The following NUAK1 variants were observed in gnomAD, a reference collection of about 807,000 sequenced individuals.
NUAK1 encodes the protein NUAK family kinase 1.
In NUAK1, 26 loss-of-function variants were observed where a neutral mutation model predicts 56.9. That is an observed-to-expected ratio of 0.46 (90% confidence interval 0.33 to 0.63). NUAK1 has a LOEUF of 0.63. NUAK1 is among the 30% of genes least tolerant of loss of function. NUAK1 has a pLI of 0.02. For synonymous variants in NUAK1, 337 were observed against 336.0 expected, an observed-to-expected ratio of 1.00 and a Z score of -0.03; for missense variants, 727 against 876.1, an observed-to-expected ratio of 0.83 and a Z score of 2.15.
chr12:106,113,755 A>C (rs2032889474), intron 1 of NUAK1, among the ~76,000 whole-genome samples: 1 of 151,324 alleles, frequency 6.6e-6, no homozygotes, highest in East Asian at 1.9e-4. Flanking sequence ...GAGGGGGCTC[A>C]GTGACTTGAA....
At chr12:106,120,340 G>A (rs2032961431) in intron 1 of NUAK1, among the ~76,000 whole-genome samples, 1 of 152,152 alleles carries the variant, frequency 6.6e-6, no homozygotes, top group South Asian at 2.1e-4. Context: ...ATGTGAGACG[G>A]CATAGAGAAA....
rs758901008 is a variant in NUAK1 at position 106,067,421 on chromosome 12, G to C, written c.1367C>G (p.Pro456Arg). ...PEAEVPGKLSPKQSATMPKKG... is the reference protein window; with the variant it reads ...PEAEVPGKLSRKQSATMPKKG... ...CTTGGGCATCGTGGCCGACTGCTTG[G>C]GGCTGAGTTTTCCCGGCACCTCTGC... is the stretch of plus-strand genomic sequence containing the variant. Residue 456 changes from proline to arginine, a missense_variant, in exon 7 of 7, where the codon CCC becomes CGC. By Grantham distance (103) the Pro-to-Arg change is moderately radical. Coordinates refer to ENST00000261402, the MANE Select transcript of NUAK1 (RefSeq NM_014840.3). This position sits in a 1 kb window ranked among gnomAD's most constrained non-coding sequence, Gnocchi z 6.0. The C allele has an allele frequency of 5.0e-6, 8 of 1,614,146 alleles. No individual in the cohort carries two copies. Among genetic ancestry groups the C allele is most frequent in the Non-Finnish European group, 5.9e-6 (7 of 1,180,034 alleles).
chr12:106,108,327 G>A (rs1422639985), intron 1 of NUAK1, among the ~76,000 whole-genome samples: 1 of 152,110 alleles, frequency 6.6e-6, no homozygotes, highest in African/African-American at 2.4e-5. Context: ...GTAAACCCAG[G>A]GGCAGGCTCC....
chr12:106,080,650 G>A (rs2032507636), intron 4 of NUAK1, among the ~76,000 whole-genome samples: 1 of 152,218 alleles, frequency 6.6e-6, no homozygotes, highest in African/African-American at 2.4e-5. Context: ...GGGAAGGGGA[G>A]AGGAATGAGC....
chr12:106,128,985 A>G (rs1371789129), intron 1 of NUAK1, among the ~76,000 whole-genome samples: 3 of 152,230 alleles, frequency 2.0e-5, no homozygotes, highest in African/African-American at 7.2e-5. Context: ...AACCTTGCAG[A>G]TGCATTTTGC....
chr12:106,067,113 C>A lies in NUAK1; in HGVS notation c.1675G>T (p.Glu559Ter), dbSNP rs757047758. Residue 559 changes from glutamate (E) to a stop codon, truncating the protein, a stop_gained, in exon 7 of 7, where the codon GAG becomes TAG. Transcript: ENST00000261402. LOFTEE classifies it high-confidence loss of function. The surrounding 1 kb of genome is among the most constrained non-coding windows in gnomAD (Gnocchi z 6.0). ...ESLSEPGVPA[E>*]GLSRSYSRPS... ...CGGCTGTAGCTCCGGGAGAGGCCCT[C>A]GGCAGGGACACCAGGCTCTGACAGG... 6.2e-7 allele frequency: 1 copy of A among 1,614,202 alleles called. No homozygotes were observed. Among genetic ancestry groups the A allele is most frequent in the Non-Finnish European group, 8.5e-7 (1 of 1,180,026 alleles).
Position 106,138,749 on chromosome 12 carries a change from G to A in NUAK1, c.-96C>T, listed in dbSNP as rs778247547. 323 of 1,406,926 alleles carry A rather than the reference G, an allele frequency of 2.3e-4. No individual in the cohort carries two copies. The highest frequency in any genetic ancestry group is 2.8e-4 in the Non-Finnish European group (305 of 1,083,636). The allele number at this position is 1,406,926 out of a possible 1,614,324, so 87.2% of individuals were successfully genotyped here. On this transcript the variant is annotated 5_prime_UTR_variant, in exon 1 of 7. Transcript: ENST00000261402. The surrounding 1 kb of genome is among the most constrained non-coding windows in gnomAD (Gnocchi z 5.0). Reference sequence around the variant, plus strand: ...CCGAGGGAAGCCGCTGTACGCTCAAGGTCGCCCCCGCAGCATCAGGGAGGC... The same window carrying A: ...CCGAGGGAAGCCGCTGTACGCTCAAAGTCGCCCCCGCAGCATCAGGGAGGC...
chr12:106,102,021 C>T (rs1001993451), intron 2 of NUAK1, among the ~76,000 whole-genome samples: 3 of 152,224 alleles, frequency 2.0e-5, no homozygotes, highest in African/African-American at 7.2e-5. Context: ...GAGCTGCCCT[C>T]CTCCACAGTT....
At chr12:106,082,838 T>C (rs1418371583) in intron 4 of NUAK1, among the ~76,000 whole-genome samples, 1 of 152,118 alleles carries the variant, frequency 6.6e-6, no homozygotes, top group Non-Finnish European at 1.5e-5. Flanking sequence ...GCTCCTCCAC[T>C]GATAGCAGCA....
chr12:106,120,971 C>T (rs562498144), intron 1 of NUAK1, among the ~76,000 whole-genome samples: 56 of 152,278 alleles, frequency 3.7e-4, no homozygotes, highest in African/African-American at 1.3e-3. Flanking sequence ...CAGTGACCTA[C>T]GGGTCTGTTT....
chr12:106,075,669 C>T (rs2032456912), intron 4 of NUAK1, among the ~76,000 whole-genome samples: 1 of 152,192 alleles, frequency 6.6e-6, no homozygotes, highest in African/African-American at 2.4e-5. Context: ...GCCAGGGACT[C>T]TTGACAGTGA....
At chr12:106,104,240 A>G (rs941089289) in intron 2 of NUAK1, 1 of 151,964 alleles carries the variant, frequency 6.6e-6, no homozygotes, top group Non-Finnish European at 1.5e-5. Context: ...TAATTTTTGT[A>G]TTTTTAGGAG....
intron 6 of NUAK1, among the ~76,000 whole-genome samples, chr12:106,069,282 G>A (rs1335015268): frequency 6.6e-6 from 1 of 152,164 alleles, no homozygotes; most frequent in East Asian, 1.9e-4. Flanking sequence ...CACAGCGGAG[G>A]TCAAACAAGG....
chr12:106,086,797 G>C lies in NUAK1; in HGVS notation c.450C>G (p.Leu150=), dbSNP rs745667691. The part of the protein sequence containing the change: ...LYDYISERRR[L]SERETRHFFR... The stretch of plus-strand genomic sequence containing the variant: ...AGAAGTGCCGGGTCTCCCTCTCACT[G>C]AGGCGTCGCCGCTCACTGATGTAAT... Residue 150 remains leucine, a synonymous_variant, in exon 3 of 7, where the codon CTC becomes CTG. Coordinates refer to ENST00000261402, the MANE Select transcript of NUAK1 (RefSeq NM_014840.3). 47 of 1,614,034 alleles carry C rather than the reference G, an allele frequency of 2.9e-5. No individual in the cohort carries two copies. The East Asian group carries it at 1.0e-3, about 34-fold the overall frequency.
Position 106,067,929 on chromosome 12 carries a change from G to A in NUAK1, c.859C>T (p.Leu287=), listed in dbSNP as rs56311486. 858 of 1,612,044 alleles carry A rather than the reference G, an allele frequency of 5.3e-4. 5 individuals are homozygous for A. The East Asian group carries it at 0.018, about 33-fold the overall frequency. The change falls in exon 7 of 7, where the codon CTG becomes TTG. Residue 287 remains leucine (L), a synonymous_variant. Coordinates refer to ENST00000261402, the MANE Select transcript of NUAK1 (RefSeq NM_014840.3). This position sits in a 1 kb window ranked among gnomAD's most constrained non-coding sequence, Gnocchi z 6.0. ...SDARGLIRWM[L]MVNPDRRATI... ...GCCCGGCGATCGGGGTTCACCATCAGCATCCACCGTATGAGTCCTCGAGCA... is the reference window on the plus strand; with the variant it reads ...GCCCGGCGATCGGGGTTCACCATCAACATCCACCGTATGAGTCCTCGAGCA...
At chr12:106,084,436 T>C (rs1324667723) in intron 3 of NUAK1, among the ~76,000 whole-genome samples, 3 of 152,224 alleles carry the variant, frequency 2.0e-5, no homozygotes, top group Non-Finnish European at 2.9e-5. Flanking sequence ...TTTTGATCTG[T>C]CCTGAGGATA....
At chr12:106,082,828 G>A (rs1168204308) in intron 4 of NUAK1, among the ~76,000 whole-genome samples, 1 of 151,988 alleles carries the variant, frequency 6.6e-6, no homozygotes, top group Non-Finnish European at 1.5e-5. Context: ...CTCATCACAC[G>A]CTCCTCCACT....
chr12:106,080,431 GTTT>G, intron 4 of NUAK1, among the ~76,000 whole-genome samples: 1 of 152,278 alleles, frequency 6.6e-6, no homozygotes, highest in South Asian at 2.1e-4. Flanking sequence ...AATTTGGCCC[GTTT>G]TTTATTAATT....
At chr12:106,119,041 C>T (rs1245661390) in intron 1 of NUAK1, among the ~76,000 whole-genome samples, 3 of 152,182 alleles carry the variant, frequency 2.0e-5, no homozygotes, top group Non-Finnish European at 4.4e-5. Flanking sequence ...GATGTTCCAA[C>T]AGAGACTGGG....
Sources: allele counts gnomAD v4.1 joint callset (sites outside exome capture counted in the v4.1 genomes callset), GRCh38; gene constraint gnomAD v4.1.1; non-coding constraint Gnocchi (gnomAD v3.1); transcripts MANE v1.5; gene names NCBI Gene and HGNC (gene_info 2026-07-23, HGNC 2026-07-21).